The following EYS variants were observed in gnomAD, a reference collection of about 807,000 sequenced individuals.
EYS encodes the protein EGF-like photoreceptor maintenance factor.
A neutral mutation model predicts 282.1 loss-of-function variants in EYS; 250 were observed. That is an observed-to-expected ratio of 0.89 (90% confidence interval 0.80 to 0.98). The LOEUF (loss-of-function observed/expected upper bound fraction) is 0.98, where lower values mean the gene tolerates loss of function less well. Among genes scored for constraint, EYS ranks in the 50% least tolerant of loss-of-function variants. The pLI, the probability that EYS is intolerant of heterozygous loss-of-function variation, is 0.00. For missense variants in EYS, 4,016 were observed against 3,709.0 expected (o/e 1.08, Z -2.15); for synonymous variants, 1,355 against 1,282.9 (o/e 1.06, Z -1.20).
chr6:65,194,158 AT>A, intron 12 of EYS, among the ~76,000 whole-genome samples: 1 of 151,940 alleles, frequency 6.6e-6, no homozygotes, highest in East Asian at 1.9e-4. Context: ...GTTGAAATGT[AT>A]TCTTTAAGTT....
At chr6:64,363,648 C>A (rs539343989) in intron 29 of EYS, among the ~76,000 whole-genome samples, 1 of 151,972 alleles carries the variant, frequency 6.6e-6, no homozygotes, top group African/African-American at 2.4e-5. Context: ...CGTCAATACA[C>A]GTTTACTATT....
At chr6:64,825,951 C>G (rs1421286211) in intron 19 of EYS, among the ~76,000 whole-genome samples, 1 of 151,446 alleles carries the variant, frequency 6.6e-6, no homozygotes, top group East Asian at 1.9e-4. Flanking sequence ...ATTATTATAA[C>G]AACAAGATTG....
chr6:63,969,452 C>T (rs1766455248), intron 35 of EYS, among the ~76,000 whole-genome samples: 1 of 152,108 alleles, frequency 6.6e-6, no homozygotes, highest in African/African-American at 2.4e-5. Context: ...AGAGAATAGC[C>T]TAATGGATTT....
At chr6:65,593,738 G>A (rs1765310802) in intron 2 of EYS, among the ~76,000 whole-genome samples, 1 of 151,732 alleles carries the variant, frequency 6.6e-6, no homozygotes, top group Non-Finnish European at 1.5e-5. Context: ...CTTACAAAGA[G>A]GTCATTAGTA....
intron 11 of EYS, among the ~76,000 whole-genome samples, chr6:65,310,972 G>A (rs1769140489): frequency 6.6e-6 from 1 of 151,928 alleles, no homozygotes; most frequent in Non-Finnish European, 1.5e-5. Context: ...TTCCTGTCGT[G>A]TTCACTATTG....
At chr6:65,158,536 T>C (rs536284837) in intron 12 of EYS, among the ~76,000 whole-genome samples, 2 of 150,900 alleles carry the variant, frequency 1.3e-5, no homozygotes, top group Non-Finnish European at 3.0e-5. Flanking sequence ...CAAAGAAATA[T>C]GTTTGTGTTG....
At chr6:64,229,262 G>A (rs116857413) in intron 31 of EYS, among the ~76,000 whole-genome samples, 4 of 151,998 alleles carry the variant, frequency 2.6e-5, no homozygotes, top group South Asian at 2.1e-4. Flanking sequence ...GCGGCAGAGC[G>A]AGACTCCATC....
At chr6:65,612,893 T>G (rs1766051070) in intron 2 of EYS, among the ~76,000 whole-genome samples, 1 of 151,826 alleles carries the variant, frequency 6.6e-6, no homozygotes, top group Admixed American at 6.6e-5. Flanking sequence ...TATTTTACTT[T>G]TTCTGGTTAG....
At chr6:65,684,883 C>T (rs886297524) in intron 1 of EYS, among the ~76,000 whole-genome samples, 1 of 151,828 alleles carries the variant, frequency 6.6e-6, no homozygotes, top group Admixed American at 6.6e-5. Flanking sequence ...TCAACCTCCT[C>T]CCACCTCCCA....
intron 2 of EYS, among the ~76,000 whole-genome samples, chr6:65,621,679 C>A (rs1191163079): frequency 6.6e-6 from 1 of 152,062 alleles, no homozygotes; most frequent in Non-Finnish European, 1.5e-5. Flanking sequence ...CATGATTTTG[C>A]AGCGGCTGGT....
At chr6:65,672,552 A>C (rs1768426127) in intron 1 of EYS, among the ~76,000 whole-genome samples, 1 of 152,144 alleles carries the variant, frequency 6.6e-6, no homozygotes, top group South Asian at 2.1e-4. Context: ...AGATCCCAAC[A>C]AAAAGTAACA....
intron 31 of EYS, among the ~76,000 whole-genome samples, chr6:64,090,861 T>G (rs992545253): frequency 6.6e-6 from 1 of 152,200 alleles, no homozygotes; most frequent in African/African-American, 2.4e-5. Context: ...CCTGTACTAT[T>G]TGAATACCTC....
chr6:64,497,380 A>C (rs1486761263), intron 26 of EYS, among the ~76,000 whole-genome samples: 1 of 152,146 alleles, frequency 6.6e-6, no homozygotes, highest in Admixed American at 6.6e-5. Flanking sequence ...TGACTCTAGA[A>C]GAATAGATAG....
At chr6:64,128,775 G>A (rs1177075016) in intron 31 of EYS, among the ~76,000 whole-genome samples, 1 of 152,054 alleles carries the variant, frequency 6.6e-6, no homozygotes, top group Non-Finnish European at 1.5e-5. Context: ...TGCCTTCTAA[G>A]CAATAATCAT....
chr6:64,623,000 A>G (rs765156187), intron 23 of EYS, among the ~76,000 whole-genome samples: 1 of 152,160 alleles, frequency 6.6e-6, no homozygotes, highest in Admixed American at 6.6e-5. Flanking sequence ...GGAATCTTTT[A>G]AAGAGAAAAA....
intron 12 of EYS, among the ~76,000 whole-genome samples, chr6:65,242,527 G>C (rs1767081713): frequency 6.6e-6 from 1 of 151,984 alleles, no homozygotes; most frequent in Non-Finnish European, 1.5e-5. Flanking sequence ...TTCCTCAGTT[G>C]ATAGACATTT....
intron 2 of EYS, among the ~76,000 whole-genome samples, chr6:65,606,975 T>C (rs1765823364): frequency 6.6e-6 from 1 of 151,736 alleles, no homozygotes; most frequent in African/African-American, 2.4e-5. Context: ...GTGAGTAGAA[T>C]ATACAAAAAT....
At chr6:64,633,770 G>C (rs947133589) in intron 22 of EYS, among the ~76,000 whole-genome samples, 4 of 152,024 alleles carry the variant, frequency 2.6e-5, no homozygotes, top group African/African-American at 4.8e-5. Flanking sequence ...CTATAAAGAG[G>C]CCCATGTGGA....
At chr6:64,421,451 T>G (rs927711715) in intron 28 of EYS, among the ~76,000 whole-genome samples, 1 of 152,098 alleles carries the variant, frequency 6.6e-6, no homozygotes, top group African/African-American at 2.4e-5. Flanking sequence ...GGGAGGGCAA[T>G]TTAGGATGAT....
Sources: gnomAD v4.1 joint callset for allele counts (sites outside exome capture counted in the v4.1 genomes callset) on GRCh38, gnomAD v4.1.1 for gene constraint, MANE v1.5 for transcripts, NCBI Gene and HGNC (gene_info 2026-07-23, HGNC 2026-07-21) for gene names.